MYRIP: variants seen among roughly 807,000 people sequenced by gnomAD.
MYRIP encodes myosin VIIA and Rab interacting protein.
MYRIP carries 49 observed loss-of-function variants against 98.0 expected under a neutral mutation model. The observed-to-expected ratio is 0.50, with a 90% CI of 0.40 to 0.63. The LOEUF is 0.63. MYRIP is among the 30% of genes least tolerant of loss of function. MYRIP has a pLI of 0.00. For missense variants in MYRIP, 1,004 were observed against 1,058.2 expected (o/e 0.95, Z 0.71); for synonymous variants, 404 against 409.5 (o/e 0.99, Z 0.16).
chr3:40,022,581 C>T (rs1947021654), intron 2 of MYRIP, among the ~76,000 whole-genome samples: 1 of 152,110 alleles, frequency 6.6e-6, no homozygotes, highest in Non-Finnish European at 1.5e-5. Context: ...TGAGGCAGAT[C>T]TCTCTGCTCT....
intron 2 of MYRIP, chr3:39,970,205 A>T (rs1575423857): frequency 6.6e-6 from 1 of 151,950 alleles, no homozygotes; most frequent in South Asian, 2.1e-4. Context: ...TTTTCCCAGT[A>T]CCCTGCTGTG....
chr3:39,864,325 A>G (rs530623152), intron 1 of MYRIP, among the ~76,000 whole-genome samples: 40 of 152,048 alleles, frequency 2.6e-4, no homozygotes, highest in Non-Finnish European at 5.3e-4. Flanking sequence ...AGGAAAAAAA[A>G]TACATCAAAT....
At chr3:39,968,904 A>C (rs1425719108) in intron 2 of MYRIP, among the ~76,000 whole-genome samples, 3 of 152,116 alleles carry the variant, frequency 2.0e-5, no homozygotes, top group African/African-American at 7.2e-5. Context: ...GAATCTGTAA[A>C]TTGCTTTGGG....
chr3:39,828,624 G>A (rs757795036), intron 1 of MYRIP, among the ~76,000 whole-genome samples: 3 of 151,994 alleles, frequency 2.0e-5, no homozygotes, highest in Non-Finnish European at 4.4e-5. Flanking sequence ...TTTATCTCTC[G>A]CTCCCCTCCA....
rs1412766971 is a variant in MYRIP at position 40,204,196 on chromosome 3, T to A, written c.1666-5658T>A. Among the ~76,000 whole-genome samples, 14 of 30,958 alleles carry A rather than the reference T, an allele frequency of 4.5e-4. No homozygotes were observed. In the East Asian group the frequency reaches 0.012, roughly 27 times the overall value. The allele number at this position is 30,958 out of a possible 152,430, so 20.3% of individuals were successfully genotyped here. ...TATATATTATATAATATATAAATATTATATTATATATTTATATATTATATA... is the reference window on the plus strand; with the variant it reads ...TATATATTATATAATATATAAATATAATATTATATATTTATATATTATATA... On this transcript the variant is annotated intron_variant, in intron 10 of 16. Coordinates refer to ENST00000302541, the MANE Select transcript of MYRIP (RefSeq NM_015460.4).
At chr3:40,217,709 T>C (rs1206576605) in intron 11 of MYRIP, among the ~76,000 whole-genome samples, 1 of 152,120 alleles carries the variant, frequency 6.6e-6, no homozygotes, top group Non-Finnish European at 1.5e-5. Context: ...AAAAATGAAA[T>C]TGATTTTCAT....
chr3:39,993,845 C>T (rs1946239403), intron 2 of MYRIP, among the ~76,000 whole-genome samples: 1 of 152,142 alleles, frequency 6.6e-6, no homozygotes, highest in Non-Finnish European at 1.5e-5. Context: ...TTAACTGTGA[C>T]CTATTCCTTC....
intron 2 of MYRIP, among the ~76,000 whole-genome samples, chr3:39,980,147 T>C (rs114891741): frequency 0.016 from 1,943 of 124,888 alleles, 26 homozygotes; most frequent in Middle Eastern, 0.034. Context: ...ATATGACTTA[T>C]TGTAAGAATG....
chr3:39,877,068 C>T (rs1488770739), intron 1 of MYRIP, among the ~76,000 whole-genome samples: 3 of 152,060 alleles, frequency 2.0e-5, no homozygotes, highest in Non-Finnish European at 4.4e-5. Context: ...TCTAAACTTC[C>T]CTTCTCGCTT....
At chr3:40,063,780 G>T (rs1948070852) in intron 3 of MYRIP, among the ~76,000 whole-genome samples, 1 of 152,204 alleles carries the variant, frequency 6.6e-6, no homozygotes, top group Non-Finnish European at 1.5e-5. Flanking sequence ...TAATAGTCAA[G>T]GTTAAAGAGA....
intron 2 of MYRIP, among the ~76,000 whole-genome samples, chr3:39,993,068 C>G (rs756563956): frequency 4.9e-4 from 75 of 152,148 alleles, no homozygotes; most frequent in Non-Finnish European, 9.7e-4. Flanking sequence ...TATTTATTGG[C>G]TCATGATTCT....
chr3:40,035,376 T>C (rs539401672), intron 2 of MYRIP, among the ~76,000 whole-genome samples: 45 of 152,136 alleles, frequency 3.0e-4, no homozygotes, highest in African/African-American at 1.1e-3. Flanking sequence ...TGTTCTAGAA[T>C]TGAGGACTTC....
intron 11 of MYRIP, among the ~76,000 whole-genome samples, chr3:40,224,311 A>G (rs1952428294): frequency 6.6e-6 from 1 of 151,900 alleles, no homozygotes; most frequent in Admixed American, 6.6e-5. Flanking sequence ...GTCTCACTGG[A>G]CTTCTTCAGA....
chr3:39,825,990 T>C (rs1007214619), intron 1 of MYRIP, among the ~76,000 whole-genome samples: 6 of 152,270 alleles, frequency 3.9e-5, no homozygotes, highest in African/African-American at 1.4e-4. Context: ...TAATAGTCTC[T>C]CATGAGCCTT....
upstream of MYRIP, chr3:39,809,074 C>T (rs1046892290): frequency 1.3e-5 from 2 of 152,124 alleles, no homozygotes; most frequent in Non-Finnish European, 2.9e-5. Flanking sequence ...GGGGTCACTA[C>T]GGAGACTTTA....
chr3:39,976,156 A>G (rs1414067792), intron 2 of MYRIP, among the ~76,000 whole-genome samples: 1 of 152,210 alleles, frequency 6.6e-6, no homozygotes, highest in East Asian at 1.9e-4. Flanking sequence ...CTCATCTGAC[A>G]AAGGGCTAAT....
At chr3:39,812,879 C>G (rs1240340678) in intron 1 of MYRIP, among the ~76,000 whole-genome samples, 6 of 152,184 alleles carry the variant, frequency 3.9e-5, no homozygotes, top group African/African-American at 1.4e-4. Context: ...CCATATCTAG[C>G]AAGTAGATCC....
At chr3:39,919,727 T>TGTGTGTGAGAGA (rs1553645683) in intron 2 of MYRIP, among the ~76,000 whole-genome samples, 6 of 123,384 alleles carry the variant, frequency 4.9e-5, no homozygotes, top group African/African-American at 1.8e-4. Context: ...TGTGTGTGTG[T>TGTGTGTGAGAGA]GAGAGAGAGA....
At chr3:40,248,007 G>A (rs1953258757) in intron 13 of MYRIP, among the ~76,000 whole-genome samples, 1 of 152,234 alleles carries the variant, frequency 6.6e-6, no homozygotes, top group African/African-American at 2.4e-5. Flanking sequence ...TCCCCACCAG[G>A]CTAACTGGTG....
Sources: gnomAD v4.1 joint callset for allele counts (sites outside exome capture counted in the v4.1 genomes callset) on GRCh38, gnomAD v4.1.1 for gene constraint, MANE v1.5 for transcripts, NCBI Gene and HGNC (gene_info 2026-07-23, HGNC 2026-07-21) for gene names.